The following SUPT20H variants were observed in gnomAD, a reference collection of about 807,000 sequenced individuals.
The protein encoded by SUPT20H is transcription factor SPT20 homolog.
SUPT20H carries 82 observed loss-of-function variants against 122.8 expected under a neutral mutation model. That is an observed-to-expected ratio of 0.67 (90% CI 0.56 to 0.80). SUPT20H has a LOEUF of 0.80. Ranked by LOEUF, SUPT20H falls within the 30% of genes least tolerant of loss-of-function variation. The pLI, the probability that SUPT20H is intolerant of heterozygous loss-of-function variation, is 0.00. For missense variants in SUPT20H, 831 were observed against 921.6 expected (o/e 0.90, Z 1.27); for synonymous variants, 291 against 313.0 (o/e 0.93, Z 0.74).
chr13:37,033,649 T>C (rs2138193278), intron 9 of SUPT20H, 61 bp from the exon 10 acceptor site: 2 of 1,533,938 alleles, frequency 1.3e-6, no homozygotes, highest in Non-Finnish European at 1.8e-6. Context: ...TGTAATCATA[T>C]ATTGCACTTA....
intron 1 of SUPT20H, among the ~76,000 whole-genome samples, chr13:37,058,724 T>C (rs1440309970): frequency 6.6e-6 from 1 of 152,196 alleles, no homozygotes; most frequent in Non-Finnish European, 1.5e-5. Context: ...CAGAACTCTG[T>C]GTCCAATCTT....
At chr13:37,055,494 C>T (rs1206923436) in intron 1 of SUPT20H, among the ~76,000 whole-genome samples, 1 of 152,144 alleles carries the variant, frequency 6.6e-6, no homozygotes, top group African/African-American at 2.4e-5. Context: ...TTTGACAAAC[C>T]TGACCAAAAC....
chr13:37,016,408 C>A (rs2060502401), intron 23 of SUPT20H, among the ~76,000 whole-genome samples: 1 of 146,492 alleles, frequency 6.8e-6, no homozygotes, highest in African/African-American at 2.6e-5. Flanking sequence ...CCAGCCTGGG[C>A]AACAGCGCGA....
At chr13:37,020,100 G>C (rs1234644882) in intron 21 of SUPT20H, among the ~76,000 whole-genome samples, 1 of 151,986 alleles carries the variant, frequency 6.6e-6, no homozygotes, top group Non-Finnish European at 1.5e-5. Flanking sequence ...CTTAGGCTGT[G>C]TGCTGTAGTT....
intron 1 of SUPT20H, among the ~76,000 whole-genome samples, chr13:37,052,207 A>G (rs1200858593): frequency 6.6e-6 from 1 of 152,222 alleles, no homozygotes; most frequent in African/African-American, 2.4e-5. Context: ...GAACCAAAAA[A>G]GAGCCTGTAT....
chr13:37,013,842 C>G (rs1027243016), intron 23 of SUPT20H: 4 of 151,942 alleles, frequency 2.6e-5, no homozygotes, highest in Admixed American at 2.6e-4. Flanking sequence ...AATTTGGAAC[C>G]CAGTTCATGA....
chr13:37,022,773 G>A lies in SUPT20H; in HGVS notation c.1592-693C>T. The A allele has an allele frequency of 9.9e-7, 1 of 1,007,062 alleles. No homozygotes were observed. Among genetic ancestry groups the A allele is most frequent in the Non-Finnish European group, 1.2e-6 (1 of 840,498 alleles). 62.4% of individuals were successfully genotyped at this position (1,007,062 alleles called of 1,614,324 possible). ...TACATATGGTTAACAATCATATTTGGCACCTAAATATACATGTTTAATTCC... is the reference window on the plus strand; with the variant it reads ...TACATATGGTTAACAATCATATTTGACACCTAAATATACATGTTTAATTCC... On this transcript the variant is annotated intron_variant, in intron 19 of 25. Coordinates refer to ENST00000350612, the MANE Select transcript of SUPT20H (RefSeq NM_001014286.3). This position sits in a 1 kb window ranked among gnomAD's most constrained non-coding sequence, Gnocchi z 4.5.
In SUPT20H at chr13:37,028,147, C is replaced by CT; in HGVS notation, c.1151dup (p.His384GlnfsTer6). The CT allele has an allele frequency of 6.3e-7, 1 of 1,587,084 alleles. No individual in the cohort carries two copies. Among genetic ancestry groups the CT allele is most frequent in the Non-Finnish European group, 8.5e-7 (1 of 1,170,374 alleles). ...AGTTACTTGTATTTAACAGAACTCA[C>CT]TGTGATGGAGACATCTGGCTGTCAC... On this transcript the variant is annotated frameshift_variant and splice_region_variant. Transcript: ENST00000350612. LOFTEE classifies it high-confidence loss of function.
At chr13:37,044,992 T>G (rs2066158402) in intron 6 of SUPT20H, among the ~76,000 whole-genome samples, 1 of 152,136 alleles carries the variant, frequency 6.6e-6, no homozygotes, top group African/African-American at 2.4e-5. Context: ...CTTTTATAAT[T>G]GGACTTGAAA....
intron 1 of SUPT20H, among the ~76,000 whole-genome samples, chr13:37,057,314 A>T (rs1430175455): frequency 6.6e-6 from 1 of 151,948 alleles, no homozygotes; most frequent in Non-Finnish European, 1.5e-5. Context: ...AAAGTTAGAA[A>T]TAAAAATAAA....
At chr13:37,035,524 GT>G (rs375726226) in intron 9 of SUPT20H, among the ~76,000 whole-genome samples, 217 of 142,580 alleles carry the variant, frequency 1.5e-3, no homozygotes, top group South Asian at 8.7e-3. Flanking sequence ...CATATACAGT[GT>G]TTTTTTTTTT....
intron 9 of SUPT20H, among the ~76,000 whole-genome samples, chr13:37,037,614 C>T (rs1467248709): frequency 6.6e-6 from 1 of 152,146 alleles, no homozygotes; most frequent in South Asian, 2.1e-4. Flanking sequence ...TCTCACAAAA[C>T]CTATAGGGTC....
intron 13 of SUPT20H, among the ~76,000 whole-genome samples, chr13:37,029,239 C>T (rs1294789444): frequency 6.6e-6 from 1 of 152,116 alleles, no homozygotes; most frequent in African/African-American, 2.4e-5. Flanking sequence ...ATTAAAATTG[C>T]TCTTTAAGGC....
chr13:37,016,646 A>C (rs929431458), intron 23 of SUPT20H, among the ~76,000 whole-genome samples: 3 of 152,152 alleles, frequency 2.0e-5, no homozygotes, highest in African/African-American at 7.2e-5. Context: ...AAAAGGACTA[A>C]TGGTGAATAT....
Position 37,026,229 on chromosome 13 carries a change from T to C in SUPT20H, c.1186A>G (p.Ile396Val), listed in dbSNP as rs867322953. Reference sequence around the variant, plus strand: ...CTCTCAGCATCGGTCTTTGATCCAATAATGAACCTAAAATGTTTAAGGAAA... The same window carrying C: ...CTCTCAGCATCGGTCTTTGATCCAACAATGAACCTAAAATGTTTAAGGAAA... Reference protein sequence around the residue: ...STDDHSNWFIIGSKTDAERVV... With the variant: ...STDDHSNWFIVGSKTDAERVV... Residue 396 changes from isoleucine to valine, a missense_variant, in exon 16 of 26, where the codon ATT becomes GTT. Physicochemically the swap from Ile to Val is conservative, Grantham distance 29. Transcript: ENST00000350612. 6.6e-7 allele frequency: 1 copy of C among 1,516,116 alleles called. No homozygotes were observed. The highest frequency in any genetic ancestry group is 8.8e-7 in the Non-Finnish European group (1 of 1,141,856). 93.9% of individuals were successfully genotyped at this position (1,516,116 alleles called of 1,614,324 possible).
In SUPT20H at chr13:37,022,171, T is replaced by G. The variant is rs2061541056; in HGVS notation, c.1592-91A>C. On this transcript the variant is annotated intron_variant, in intron 19 of 25. Transcript: ENST00000350612. The surrounding 1 kb of genome is among the most constrained non-coding windows in gnomAD (Gnocchi z 4.5). The stretch of plus-strand genomic sequence containing the variant: ...GACCTTTGCTGCTGAGCAAACTGAG[T>G]TAACAAAGTGGGCTGAGGGGTGAAG... 2 of 1,613,354 alleles carry G rather than the reference T, an allele frequency of 1.2e-6. No homozygotes were observed. The highest frequency in any genetic ancestry group is 3.3e-5 in the Admixed American group (2 of 59,866).
At chr13:37,021,032 A>G (rs1410073400) in intron 21 of SUPT20H, among the ~76,000 whole-genome samples, 1 of 42,904 alleles carries the variant, frequency 2.3e-5, no homozygotes, top group African/African-American at 4.3e-5. Context: ...AGATGACACA[A>G]ATGGTAAGCT....
chr13:37,023,625 A>G (rs1017775174), intron 19 of SUPT20H: 1 of 154,206 alleles, frequency 6.5e-6, no homozygotes, highest in African/African-American at 2.4e-5. Context: ...ACATATACAC[A>G]AAGATAGGAC....
intron 12 of SUPT20H, among the ~76,000 whole-genome samples, chr13:37,030,566 C>G (rs1172944550): frequency 6.6e-6 from 1 of 152,178 alleles, no homozygotes; most frequent in East Asian, 1.9e-4. Context: ...TTGAGGGCAA[C>G]TGCTACTCAA....
Sources: allele counts gnomAD v4.1 joint callset (sites outside exome capture counted in the v4.1 genomes callset), GRCh38; gene constraint gnomAD v4.1.1; non-coding constraint Gnocchi (gnomAD v3.1); transcripts MANE v1.5; gene names NCBI Gene and HGNC (gene_info 2026-07-23, HGNC 2026-07-21).